Variants in DIP2C observed in about 807,000 individuals in gnomAD.
DIP2C encodes the protein disco-interacting protein 2 homolog C.
A neutral mutation model predicts 192.4 loss-of-function variants in DIP2C; 33 were observed. The ratio of observed to expected loss-of-function variants is 0.17; its 90% CI spans 0.13 to 0.23. The LOEUF is 0.23. Among genes scored for constraint, DIP2C ranks in the 10% least tolerant of loss-of-function variants. The pLI is 1.00. For synonymous variants in DIP2C, 979 were observed against 864.1 expected (o/e 1.13, Z -2.33); for missense variants, 1,537 against 2,110.1 (o/e 0.73, Z 5.32).
At chr10:284,325 G>GAC (rs1239864228) in intron 34 of DIP2C, among the ~76,000 whole-genome samples, 3 of 152,164 alleles carry the variant, frequency 2.0e-5, no homozygotes, top group Non-Finnish European at 4.4e-5. Context: ...AACTGAGAGA[G>GAC]ACAGTGCACC....
chr10:661,961 G>T, intron 1 of DIP2C: 1 of 702,440 alleles, frequency 1.4e-6, no homozygotes. Flanking sequence ...CCTGACCCAG[G>T]CACTGAATCG....
At position 666,093 on chromosome 10, in the gene DIP2C, G is replaced by A. The variant is rs1201115732; in HGVS notation, c.85+23401C>T. ...CCACGCGTGGCTACGGTGGAGGAAC[G>A]AAGAGCAGCTGTGAGTTCGTGGGAA... On this transcript the variant is annotated intron_variant, in intron 1 of 36. Coordinates refer to ENST00000280886, the MANE Select transcript of DIP2C (RefSeq NM_014974.3). This position sits in a 1 kb window ranked among gnomAD's most constrained non-coding sequence, Gnocchi z 4.1. The A allele has an allele frequency of 5.3e-5, 8 of 152,214 alleles. No individual in the cohort carries two copies. The highest frequency in any genetic ancestry group is 1.2e-4 in the Non-Finnish European group (8 of 68,040). 9.4% of individuals were successfully genotyped at this position (152,214 alleles called of 1,614,324 possible).
chr10:503,433 G>A (rs1260849309), intron 1 of DIP2C, among the ~76,000 whole-genome samples: 1 of 152,244 alleles, frequency 6.6e-6, no homozygotes, highest in African/African-American at 2.4e-5. Context: ...GAGAGTGGCA[G>A]TGCTACTATA....
intron 1 of DIP2C, among the ~76,000 whole-genome samples, chr10:500,710 G>A (rs1038413046): frequency 6.6e-6 from 1 of 152,180 alleles, no homozygotes; most frequent in Admixed American, 6.5e-5. Flanking sequence ...TGGAAATACA[G>A]GGATGCTTAA....
chr10:438,782 T>A (rs1034072386), intron 4 of DIP2C, among the ~76,000 whole-genome samples: 3 of 152,170 alleles, frequency 2.0e-5, no homozygotes, highest in Non-Finnish European at 4.4e-5. Context: ...TGAGCCACCA[T>A]GCCTGGCCTA....
rs535990786 is a variant in DIP2C, at chr10:396,138, T to C, written c.1260+2971A>G. Among the ~76,000 whole-genome samples, 48 of 152,382 alleles carry C rather than the reference T, an allele frequency of 3.1e-4. No individual in the cohort carries two copies. In the East Asian group the frequency reaches 8.7e-3, roughly 28 times the overall value. On this transcript the variant is annotated intron_variant, in intron 10 of 36. Coordinates refer to ENST00000280886, the MANE Select transcript of DIP2C (RefSeq NM_014974.3). Reference sequence around the variant, plus strand: ...AGCCACGTGGCCTTGGAAAGATTTCTGATTTGTTCAAAACGTACGGTTTAT... The same window carrying C: ...AGCCACGTGGCCTTGGAAAGATTTCCGATTTGTTCAAAACGTACGGTTTAT...
chr10:489,948 G>T (rs1275571320), intron 1 of DIP2C, among the ~76,000 whole-genome samples: 2 of 24,610 alleles, frequency 8.1e-5, no homozygotes, highest in African/African-American at 2.6e-4. Context: ...GGGACACGGT[G>T]GCTCTGACAG....
intron 32 of DIP2C, among the ~76,000 whole-genome samples, chr10:303,302 G>A (rs1956146364): frequency 6.6e-6 from 1 of 152,102 alleles, no homozygotes; most frequent in South Asian, 2.1e-4. Flanking sequence ...AGTCATCACC[G>A]CACGTGGCTG....
rs551028948 is a variant in DIP2C, at chr10:438,998, C to T, written c.394+1873G>A. Among the ~76,000 whole-genome samples, 7 of 152,048 alleles carry T rather than the reference C, an allele frequency of 4.6e-5. No individual in the cohort carries two copies. In the South Asian group the frequency reaches 8.3e-4, roughly 18 times the overall value. ...CACCAGGCCCAGCTAATTTTTTGTA[C>T]TTTTGGTGGAGACAAAATGTACAAA... On this transcript the variant is annotated intron_variant, in intron 4 of 36. Coordinates refer to ENST00000280886, the MANE Select transcript of DIP2C (RefSeq NM_014974.3).
chr10:675,975 G>T (rs548671161), intron 1 of DIP2C, among the ~76,000 whole-genome samples: 24 of 152,160 alleles, frequency 1.6e-4, no homozygotes, highest in South Asian at 1.0e-3. Context: ...AAAACTATAG[G>T]TCAATATCCC....
chr10:398,467 G>A lies in DIP2C; in HGVS notation c.1260+642C>T, dbSNP rs78228523. On this transcript the variant is annotated intron_variant, in intron 10 of 36. Coordinates refer to ENST00000280886, the MANE Select transcript of DIP2C (RefSeq NM_014974.3). ...GACCAAATGAACATATGTCTTACAT[G>A]TATTGCCTAATGTCTCATGTGTCCC... Among the ~76,000 whole-genome samples, 1,307 of 152,308 alleles carry A rather than the reference G, an allele frequency of 8.6e-3. 17 individuals carry two copies. Among genetic ancestry groups the A allele is most frequent in the African/African-American group, 0.03 (1,253 of 41,552 alleles).
intron 1 of DIP2C, among the ~76,000 whole-genome samples, chr10:606,733 A>G (rs1046984109): frequency 2.6e-5 from 4 of 152,220 alleles, no homozygotes; most frequent in African/African-American, 9.6e-5. Context: ...CAAACAACAA[A>G]AAATCCAAAA....
chr10:366,233 G>A (rs1276058731), intron 19 of DIP2C, 42 bp downstream of exon 19: 2 of 1,604,724 alleles, frequency 1.2e-6, no homozygotes, highest in Admixed American at 3.4e-5. Context: ...TTTGGAGACG[G>A]AGCCACAGAT....
At chr10:568,671 C>T (rs1476571728) in intron 1 of DIP2C, among the ~76,000 whole-genome samples, 1 of 141,362 alleles carries the variant, frequency 7.1e-6, no homozygotes, top group African/African-American at 2.6e-5. Context: ...GAGGCTGAGG[C>T]AGGAGAATGG....
intron 1 of DIP2C, among the ~76,000 whole-genome samples, chr10:661,734 C>A (rs904908326): frequency 1.6e-4 from 24 of 152,194 alleles, no homozygotes; most frequent in African/African-American, 5.3e-4. Flanking sequence ...GCTCCTTGAC[C>A]TGCACTTCTA....
chr10:363,119 TCA>T lies in DIP2C; in HGVS notation c.2592+76_2592+77del. 7.6e-7 allele frequency: 1 copy of T among 1,320,016 alleles called. No homozygotes were observed. The highest frequency in any genetic ancestry group is 1.1e-6 in the Non-Finnish European group (1 of 943,036). The allele number at this position is 1,320,016 out of a possible 1,614,324, so 81.8% of individuals were successfully genotyped here. ...ACCCCATGGGCAAAGCAACAGCTGG[TCA>T]CACCATGATCTGAATGAAGTAAGGA... On this transcript the variant is annotated intron_variant, in intron 21 of 36. Coordinates refer to ENST00000280886, the MANE Select transcript of DIP2C (RefSeq NM_014974.3). The surrounding 1 kb of genome is among the most constrained non-coding windows in gnomAD (Gnocchi z 5.4).
intron 32 of DIP2C, among the ~76,000 whole-genome samples, chr10:293,002 C>T (rs1955569632): frequency 6.6e-6 from 1 of 152,248 alleles, no homozygotes; most frequent in East Asian, 1.9e-4. Context: ...AAATAGCATT[C>T]TCTACCCCAA....
intron 1 of DIP2C, among the ~76,000 whole-genome samples, chr10:487,042 T>A (rs1844066100): frequency 6.6e-6 from 1 of 152,200 alleles, no homozygotes; most frequent in African/African-American, 2.4e-5. Context: ...AAGCAAAAGG[T>A]GTGAAACCTG....
chr10:582,755 C>A (rs1344197444), intron 1 of DIP2C, among the ~76,000 whole-genome samples: 2 of 152,142 alleles, frequency 1.3e-5, no homozygotes, highest in Non-Finnish European at 2.9e-5. Flanking sequence ...ACCAGCGTGG[C>A]CACGTGGCCG....
Sources: gnomAD v4.1 joint callset for allele counts (sites outside exome capture counted in the v4.1 genomes callset) on GRCh38, gnomAD v4.1.1 for gene constraint, Gnocchi (gnomAD v3.1) non-coding constraint, MANE v1.5 for transcripts, NCBI Gene and HGNC (gene_info 2026-07-23, HGNC 2026-07-21) for gene names.